Variants in ARFGEF3 observed in about 807,000 individuals in gnomAD.
ARFGEF3 encodes ARFGEF family member 3, also known as brefeldin A-inhibited guanine nucleotide-exchange protein 3.
ARFGEF3 carries 96 observed loss-of-function variants against 221.7 expected under a neutral mutation model. The ratio of observed to expected loss-of-function variants is 0.43; its 90% CI spans 0.37 to 0.51. The LOEUF (loss-of-function observed/expected upper bound fraction) is 0.51. Among genes scored for constraint, ARFGEF3 ranks in the 20% least tolerant of loss-of-function variants. The probability of loss-of-function intolerance (pLI) is 0.00; values close to 1 mark genes in which losing one functional copy is unlikely to be tolerated. For synonymous variants in ARFGEF3, 1,145 were observed against 1,126.8 expected (o/e 1.02, Z -0.32); for missense variants, 2,410 against 2,789.9 (o/e 0.86, Z 3.07).
chr6:138,166,795 C>T (rs182900089), intron 1 of ARFGEF3, among the ~76,000 whole-genome samples: 6 of 152,124 alleles, frequency 3.9e-5, no homozygotes, highest in African/African-American at 1.2e-4. Flanking sequence ...AATGGAGGAG[C>T]GGGGAAAGAA....
chr6:138,251,754 T>G (rs1372350978), intron 8 of ARFGEF3, among the ~76,000 whole-genome samples: 22 of 152,016 alleles, frequency 1.4e-4, no homozygotes. Context: ...TACTTGAACT[T>G]TAGGATCTAC....
At chr6:138,207,352 T>A (rs1369360611) in intron 3 of ARFGEF3, among the ~76,000 whole-genome samples, 1 of 152,218 alleles carries the variant, frequency 6.6e-6, no homozygotes, top group Non-Finnish European at 1.5e-5. Flanking sequence ...CTGATTCATG[T>A]GGACCTAGCT....
chr6:138,229,836 T>A lies in ARFGEF3; in HGVS notation c.404T>A (p.Val135Glu). The change falls in exon 5 of 34, where the codon GTG becomes GAG. Residue 135 changes from valine to glutamate, a missense_variant. Physicochemically the swap from Val to Glu is moderately radical, Grantham distance 121 (BLOSUM62 -2). This residue lies in a region of ARFGEF3 where 570 missense variants were observed against 586.9 expected (regional missense o/e 0.97). Transcript: ENST00000251691. ...TPTFDLNGSAVLKIAEVCIET... is the reference protein window; with the variant it reads ...TPTFDLNGSAELKIAEVCIET... Reference sequence around the variant, plus strand: ...ACATTTGATCTGAATGGGAGTGCCGTGCTGAAGATCGCGGAGGTGAGTACT... The same window carrying A: ...ACATTTGATCTGAATGGGAGTGCCGAGCTGAAGATCGCGGAGGTGAGTACT... 6.2e-7 allele frequency: 1 copy of A among 1,613,726 alleles called. No homozygotes were observed.
chr6:138,340,914 T>A lies in ARFGEF3; in HGVS notation c.*4428T>A, dbSNP rs1780419325. On this transcript the variant is annotated 3_prime_UTR_variant, in exon 34 of 34. Coordinates refer to ENST00000251691, the MANE Select transcript of ARFGEF3 (RefSeq NM_020340.5). ...GTTATGGAGGTTTTTAAAAATAAAG[T>A]TGAAAAAAGAAAATGAATCATGTTT... The A allele has an allele frequency of 6.6e-6, 1 of 151,962 alleles. No individual in the cohort carries two copies. The highest frequency in any genetic ancestry group is 6.6e-5 in the Admixed American group (1 of 15,252). The allele number at this position is 151,962 out of a possible 1,614,324, so 9.4% of individuals were successfully genotyped here.
At chr6:138,240,676 A>T (rs1778377247) in intron 6 of ARFGEF3, among the ~76,000 whole-genome samples, 1 of 152,068 alleles carries the variant, frequency 6.6e-6, no homozygotes, top group South Asian at 2.1e-4. Context: ...CCTTTCTATT[A>T]CTCATGCGGT....
chr6:138,326,896 G>C (rs1780135948), intron 31 of ARFGEF3, among the ~76,000 whole-genome samples: 1 of 152,208 alleles, frequency 6.6e-6, no homozygotes, highest in Non-Finnish European at 1.5e-5. Flanking sequence ...TAAAGAAAAT[G>C]TGGTGCACGG....
rs189098440 is a variant in ARFGEF3, at chr6:138,193,909, A to G, written c.138-13133A>G. Among the ~76,000 whole-genome samples, 901 of 152,220 alleles carry G rather than the reference A, an allele frequency of 5.9e-3. 5 individuals are homozygous for G. Among genetic ancestry groups the G allele is most frequent in the Admixed American group, 9.2e-3 (141 of 15,294 alleles). On this transcript the variant is annotated intron_variant, in intron 2 of 33. Coordinates refer to ENST00000251691, the MANE Select transcript of ARFGEF3 (RefSeq NM_020340.5). ...TTTGTAGCATAGATGTTTCTGAAAG[A>G]TATTTATGCCATAGAGTTGTCATTT... is the stretch of plus-strand genomic sequence containing the variant.
chr6:138,176,405 A>G (rs2114440171), intron 2 of ARFGEF3, among the ~76,000 whole-genome samples: 1 of 152,090 alleles, frequency 6.6e-6, no homozygotes, highest in Non-Finnish European at 1.5e-5. Context: ...CTGGTCTCGA[A>G]TGCCTGACCT....
rs1199637514 is a variant in ARFGEF3 at position 138,319,768 on chromosome 6, C to T, written c.4540C>T (p.Arg1514Trp). The T allele has an allele frequency of 1.9e-5, 30 of 1,613,634 alleles. No homozygotes were observed. The highest frequency in any genetic ancestry group is 4.5e-5 in the East Asian group (2 of 44,866). Residue 1514 changes from arginine (R) to tryptophan (W), a missense_variant, in exon 28 of 34, where the codon CGG becomes TGG. Physicochemically the swap from Arg to Trp is moderately radical, Grantham distance 101. Transcript: ENST00000251691. Reference protein sequence around the residue: ...LLPVMSVWLRRSHKDHSYWDM... With the variant: ...LLPVMSVWLRWSHKDHSYWDM... ...TCCTGTGATGTCCGTTTGGCTCCGCCGGAGCCATAAAGACCATTCCTACTG... is the reference window on the plus strand; with the variant it reads ...TCCTGTGATGTCCGTTTGGCTCCGCTGGAGCCATAAAGACCATTCCTACTG...
Position 138,319,804 on chromosome 6 carries a change from T to C in ARFGEF3, c.4576T>C (p.Ser1526Pro). 1 of 1,614,006 alleles carries C rather than the reference T, an allele frequency of 6.2e-7. No homozygotes were observed. The highest frequency in any genetic ancestry group is 8.5e-7 in the Non-Finnish European group (1 of 1,179,866). Residue 1526 changes from serine to proline, a missense_variant, in exon 28 of 34, where the codon TCT becomes CCT. Physicochemically the swap from Ser to Pro is moderately conservative, Grantham distance 74 (BLOSUM62 -1). Transcript: ENST00000251691. Reference sequence around the variant, plus strand: ...AGACCATTCCTACTGGGATATGGCCTCTGCCAATTTCAAGCACGCTATTGG... The same window carrying C: ...AGACCATTCCTACTGGGATATGGCCCCTGCCAATTTCAAGCACGCTATTGG... The part of the protein sequence containing the change: ...HKDHSYWDMA[S>P]ANFKHAIGLS...
chr6:138,200,348 A>AACACT (rs1777510987), intron 2 of ARFGEF3, among the ~76,000 whole-genome samples: 1 of 152,166 alleles, frequency 6.6e-6, no homozygotes, highest in Non-Finnish European at 1.5e-5. Flanking sequence ...TGGAACCAAA[A>AACACT]AAGAGCCCGC....
intron 14 of ARFGEF3, 53 bp downstream of exon 14, chr6:138,280,217 C>A: frequency 1.9e-6 from 3 of 1,553,834 alleles, no homozygotes; most frequent in Non-Finnish European, 2.6e-6. Flanking sequence ...GGACGGCTCA[C>A]GCTTTAAAGC....
chr6:138,195,502 A>G (rs1777399685), intron 2 of ARFGEF3, among the ~76,000 whole-genome samples: 1 of 152,196 alleles, frequency 6.6e-6, no homozygotes. Context: ...ACAACCATGT[A>G]CGGTATATAA....
At chr6:138,254,084 T>C (rs2114575056) in intron 9 of ARFGEF3, 100 bp downstream of exon 9, 3 of 707,666 alleles carry the variant, frequency 4.2e-6, no homozygotes, top group Non-Finnish European at 6.8e-6. Context: ...GACCCACCAG[T>C]AGTAGTTTCA....
chr6:138,297,935 C>T (rs879365600), intron 21 of ARFGEF3, among the ~76,000 whole-genome samples: 1 of 152,188 alleles, frequency 6.6e-6, no homozygotes, highest in Non-Finnish European at 1.5e-5. Context: ...ATAGGTCTCT[C>T]TTTTCATGGT....
At chr6:138,235,827 C>A (rs892297913) in intron 5 of ARFGEF3, among the ~76,000 whole-genome samples, 2 of 152,104 alleles carry the variant, frequency 1.3e-5, no homozygotes, top group African/African-American at 2.4e-5. Context: ...TAATGGGATA[C>A]CTTTTTGTCA....
At chr6:138,257,092 G>A (rs1392946796) in intron 10 of ARFGEF3, among the ~76,000 whole-genome samples, 4 of 152,124 alleles carry the variant, frequency 2.6e-5, no homozygotes, top group Non-Finnish European at 5.9e-5. Context: ...TATTTTTTCA[G>A]TTAAGAATGT....
At chr6:138,222,386 A>G (rs1194039701) in intron 4 of ARFGEF3, among the ~76,000 whole-genome samples, 5 of 152,188 alleles carry the variant, frequency 3.3e-5, no homozygotes, top group Admixed American at 6.5e-5. Context: ...TGTTGGTAGA[A>G]GTTCTGAGTT....
intron 4 of ARFGEF3, among the ~76,000 whole-genome samples, chr6:138,223,248 A>C (rs565924667): frequency 2.6e-5 from 4 of 152,346 alleles, no homozygotes; most frequent in African/African-American, 9.6e-5. Context: ...TTTGACAGTA[A>C]AAAAAGAACT....
Sources: allele counts gnomAD v4.1 joint callset (sites outside exome capture counted in the v4.1 genomes callset), GRCh38; gene constraint gnomAD v4.1.1; regional missense constraint gnomAD v4.1.1; transcripts MANE v1.5; gene names NCBI Gene and HGNC (gene_info 2026-07-23, HGNC 2026-07-21).